KCNIP4: variants seen among roughly 807,000 people sequenced by gnomAD.
The protein encoded by KCNIP4 is potassium voltage-gated channel interacting protein 4, also known as Kv channel-interacting protein 4.
KCNIP4 carries 12 observed loss-of-function variants against 34.0 expected under a neutral mutation model. That is an observed-to-expected ratio of 0.35 (90% confidence interval 0.23 to 0.57). The LOEUF is 0.57. KCNIP4 is among the 20% of genes least tolerant of loss of function. The pLI is 0.83. For synonymous variants in KCNIP4, 124 were observed against 102.2 expected (o/e 1.21, Z -1.29); for missense variants, 238 against 311.7 (o/e 0.76, Z 1.78).
intron 1 of KCNIP4, among the ~76,000 whole-genome samples, chr4:21,122,584 T>C (rs1560742043): frequency 6.6e-6 from 1 of 152,008 alleles, no homozygotes. Flanking sequence ...CCACATTTCC[T>C]AAGTTCTGAA....
At chr4:21,124,359 G>C (rs1750432489) in intron 1 of KCNIP4, among the ~76,000 whole-genome samples, 2 of 152,158 alleles carry the variant, frequency 1.3e-5, no homozygotes, top group African/African-American at 4.8e-5. Context: ...TTTGAGAACT[G>C]ATGGTATAGT....
intron 3 of KCNIP4, among the ~76,000 whole-genome samples, chr4:20,805,616 T>C (rs192951906): frequency 3.3e-5 from 5 of 152,276 alleles, no homozygotes. Context: ...ATCTGGCTTA[T>C]TGGAGAAATT....
chr4:20,912,259 G>A (rs549135383), intron 1 of KCNIP4, among the ~76,000 whole-genome samples: 311 of 152,134 alleles, frequency 2.0e-3, no homozygotes, highest in African/African-American at 6.9e-3. Context: ...ATCTCCATTT[G>A]CAAATGACAT....
At chr4:20,812,967 A>G (rs1261395821) in intron 3 of KCNIP4, among the ~76,000 whole-genome samples, 1 of 151,834 alleles carries the variant, frequency 6.6e-6, no homozygotes, top group Admixed American at 6.6e-5. Context: ...TCAAACAATA[A>G]AGAATATATG....
chr4:21,328,080 G>A (rs1715270971), intron 1 of KCNIP4, among the ~76,000 whole-genome samples: 1 of 151,970 alleles, frequency 6.6e-6, no homozygotes, highest in Non-Finnish European at 1.5e-5. Flanking sequence ...TTCGTTTAGT[G>A]AAGTCATGTT....
chr4:21,643,862 G>GATA (rs1480170183), intron 1 of KCNIP4, among the ~76,000 whole-genome samples: 2 of 115,012 alleles, frequency 1.7e-5, no homozygotes, highest in Non-Finnish European at 3.8e-5. Context: ...GATAGGTGAT[G>GATA]ATGATGATGA....
intron 1 of KCNIP4, among the ~76,000 whole-genome samples, chr4:21,414,788 T>C (rs539382746): frequency 2.0e-5 from 3 of 152,228 alleles, no homozygotes; most frequent in African/African-American, 7.2e-5. Context: ...CCTGAATGAA[T>C]CTTTAATTTT....
intron 3 of KCNIP4, among the ~76,000 whole-genome samples, chr4:20,804,582 C>G (rs1714821595): frequency 6.8e-6 from 1 of 146,990 alleles, no homozygotes; most frequent in Non-Finnish European, 1.5e-5. Context: ...AAATCTTTTT[C>G]TCTACTAGCT....
rs369696883 is a variant in KCNIP4 at position 20,784,189 on chromosome 4, A to G, written c.289-25299T>C. Among the ~76,000 whole-genome samples the G allele has an allele frequency of 6.9e-4, 105 of 152,332 alleles. 2 individuals carry two copies. In the South Asian group the frequency reaches 0.021, roughly 31 times the overall value. The stretch of plus-strand genomic sequence containing the variant: ...CTAATTCCTATCTAGCTTGCTGTTC[A>G]AATAACTGATAATTAATCCCAGAAC... On this transcript the variant is annotated intron_variant, in intron 3 of 8. Transcript: ENST00000382152.
chr4:21,528,716 A>G (rs1404912793), intron 1 of KCNIP4, among the ~76,000 whole-genome samples: 30 of 1,942 alleles, frequency 0.015, 1 homozygote, highest in Admixed American at 0.023. Flanking sequence ...AGAAAGAAAG[A>G]AAGAAAGAAA....
chr4:20,793,819 A>G (rs1365081370), intron 3 of KCNIP4, among the ~76,000 whole-genome samples: 1 of 151,818 alleles, frequency 6.6e-6, no homozygotes, highest in Non-Finnish European at 1.5e-5. Flanking sequence ...ATCAGGTACT[A>G]GATTCTCATA....
chr4:20,880,087 GA>G (rs1724504742), intron 2 of KCNIP4, among the ~76,000 whole-genome samples: 1 of 152,146 alleles, frequency 6.6e-6, no homozygotes, highest in Admixed American at 6.5e-5. Flanking sequence ...TGATATTTAT[GA>G]AAGTATATCA....
chr4:21,467,226 C>T (rs1462121694), intron 1 of KCNIP4, among the ~76,000 whole-genome samples: 1 of 152,042 alleles, frequency 6.6e-6, no homozygotes, highest in African/African-American at 2.4e-5. Flanking sequence ...ATGAGTGCCC[C>T]ATTTGGTACA....
At chr4:20,773,080 G>A (rs2149381947) in intron 3 of KCNIP4, among the ~76,000 whole-genome samples, 1 of 151,004 alleles carries the variant, frequency 6.6e-6, no homozygotes, top group Admixed American at 6.6e-5. Flanking sequence ...GCTTAATTAA[G>A]TTCTTGTTGC....
chr4:21,016,780 T>G (rs1429536309), intron 1 of KCNIP4, among the ~76,000 whole-genome samples: 3 of 152,128 alleles, frequency 2.0e-5, no homozygotes, highest in Non-Finnish European at 4.4e-5. Context: ...CCGGTTAACA[T>G]GCAGTAGGCT....
intron 1 of KCNIP4, among the ~76,000 whole-genome samples, chr4:21,730,834 T>C (rs28456170): frequency 0.12 from 18,056 of 151,952 alleles, 3,650 homozygotes; most frequent in African/African-American, 0.41. Flanking sequence ...GATTCTAGGC[T>C]GGGCGCAGTG....
chr4:21,740,952 G>A (rs947998061), intron 1 of KCNIP4, among the ~76,000 whole-genome samples: 1 of 151,966 alleles, frequency 6.6e-6, no homozygotes, highest in African/African-American at 2.4e-5. Context: ...AATAAACACT[G>A]GTTGAAAATA....
chr4:21,234,355 T>C (rs1759152497), intron 1 of KCNIP4, among the ~76,000 whole-genome samples: 1 of 103,046 alleles, frequency 9.7e-6, no homozygotes, highest in Non-Finnish European at 1.9e-5. Flanking sequence ...ACATTATATA[T>C]AACATATATA....
At chr4:21,378,057 C>T (rs1721136689) in intron 1 of KCNIP4, among the ~76,000 whole-genome samples, 1 of 152,150 alleles carries the variant, frequency 6.6e-6, no homozygotes, top group African/African-American at 2.4e-5. Flanking sequence ...TCACTTCACT[C>T]CAGGTATTTC....
Sources: gnomAD v4.1 joint callset for allele counts (sites outside exome capture counted in the v4.1 genomes callset) on GRCh38, gnomAD v4.1.1 for gene constraint, MANE v1.5 for transcripts, NCBI Gene and HGNC (gene_info 2026-07-23, HGNC 2026-07-21) for gene names.